The following HMGCL variants were observed in gnomAD, a reference collection of about 807,000 sequenced individuals.
HMGCL encodes hydroxymethylglutaryl-CoA lyase, mitochondrial.
HMGCL carries 26 observed loss-of-function variants against 37.3 expected under a neutral mutation model. The ratio of observed to expected loss-of-function variants is 0.70; its 90% CI spans 0.51 to 0.97. The LOEUF (loss-of-function observed/expected upper bound fraction) is 0.97, where lower values mean the gene tolerates loss of function less well. Ranked by LOEUF, HMGCL falls within the 50% of genes least tolerant of loss-of-function variation. HMGCL has a pLI of 0.00. For missense variants in HMGCL, 379 were observed against 398.1 expected, an observed-to-expected ratio of 0.95 and a Z score of 0.41; for synonymous variants, 151 against 148.0, an observed-to-expected ratio of 1.02 and a Z score of -0.15.
chr1:23,819,006 TAAAAAAAAA>T (rs11371330), intron 2 of HMGCL, among the ~76,000 whole-genome samples: 51 of 43,144 alleles, frequency 1.2e-3, no homozygotes, highest in Non-Finnish European at 1.7e-3. Context: ...ATGGACGTGC[TAAAAAAAAA>T]AAAAAAAAAA....
intron 2 of HMGCL, among the ~76,000 whole-genome samples, chr1:23,820,304 G>A (rs962267291): frequency 6.6e-6 from 1 of 152,130 alleles, no homozygotes; most frequent in Non-Finnish European, 1.5e-5. Context: ...TGACAGGCAT[G>A]AGCCACCCAT....
In HMGCL at chr1:23,814,226, A is replaced by G. The variant is rs1638573373; in HGVS notation, c.461T>C (p.Leu154Pro). The change falls in exon 5 of 9, where the codon CTG (leucine) becomes CCG (proline). Residue 154 changes from leucine to proline, a missense_variant. Coordinates refer to ENST00000374490, the MANE Select transcript of HMGCL (RefSeq NM_000191.3). Reference protein sequence around the residue: ...EESFQRFDAILKAAQSANISV... With the variant: ...EESFQRFDAIPKAAQSANISV... ...AATATTGGCTGACTGCGCTGCCTTC[A>G]GGATTGCGTCAAACCTCTGAAAACT... 6.2e-7 allele frequency: 1 copy of G among 1,614,100 alleles called. No individual in the cohort carries two copies. Among genetic ancestry groups the G allele is most frequent in the Non-Finnish European group, 8.5e-7 (1 of 1,180,018 alleles).
At position 23,802,249 on chromosome 1, in the gene HMGCL, G is replaced by A; in HGVS notation, c.*214C>T. On this transcript the variant is annotated 3_prime_UTR_variant, in exon 9 of 9. Transcript: ENST00000374490. Reference sequence around the variant, plus strand: ...ACAAAGGGAGACTTCAGCCCTCAAAGCCTCTCACTCCTCAGGTCTGGGCAG... The same window carrying A: ...ACAAAGGGAGACTTCAGCCCTCAAAACCTCTCACTCCTCAGGTCTGGGCAG... 1.6e-6 allele frequency: 1 copy of A among 606,432 alleles called. No individual in the cohort carries two copies. The highest frequency in any genetic ancestry group is 2.9e-6 in the Non-Finnish European group (1 of 341,770). The allele number at this position is 606,432 out of a possible 1,614,324, so 37.6% of individuals were successfully genotyped here.
chr1:23,814,651 C>G (rs1156391208), intron 4 of HMGCL, among the ~76,000 whole-genome samples: 4 of 152,080 alleles, frequency 2.6e-5, no homozygotes, highest in Non-Finnish European at 5.9e-5. Flanking sequence ...TTACAGGTGT[C>G]AGCCATCATG....
chr1:23,819,858 T>C (rs1638681285), intron 2 of HMGCL, among the ~76,000 whole-genome samples: 1 of 152,042 alleles, frequency 6.6e-6, no homozygotes, highest in Non-Finnish European at 1.5e-5. Context: ...GCCACCACCA[T>C]GCCCAGTCAC....
chr1:23,811,758 A>G (rs2148421143), intron 5 of HMGCL, among the ~76,000 whole-genome samples: 1 of 152,278 alleles, frequency 6.6e-6, no homozygotes, highest in Non-Finnish European at 1.5e-5. Context: ...TCTTAGGGCT[A>G]TGGTAAGGAG....
Position 23,804,471 on chromosome 1 carries a change from C to G in HMGCL, c.805G>C (p.Ala269Pro). ...SVAGLGGCPYAQGASGNLATE... is the reference protein window; with the variant it reads ...SVAGLGGCPYPQGASGNLATE... ...GCCAAGTTTCCTGATGCCCCCTGTG[C>G]GTAGGGACAGCCTCCAAGTCCTGCC... Residue 269 changes from alanine to proline, a missense_variant, in exon 8 of 9, where the codon GCA becomes CCA. By Grantham distance (27) the Ala-to-Pro change is conservative. Coordinates refer to ENST00000374490, the MANE Select transcript of HMGCL (RefSeq NM_000191.3). The G allele has an allele frequency of 6.2e-7, 1 of 1,614,070 alleles. No individual in the cohort carries two copies. Among genetic ancestry groups the G allele is most frequent in the Admixed American group, 1.7e-5 (1 of 60,024 alleles).
intron 4 of HMGCL, among the ~76,000 whole-genome samples, chr1:23,815,176 C>T (rs1436767796): frequency 6.6e-6 from 1 of 152,000 alleles, no homozygotes; most frequent in African/African-American, 2.4e-5. Context: ...CACTGTACTC[C>T]AGCCTGGGCG....
At chr1:23,814,832 C>T (rs576029321) in intron 4 of HMGCL, among the ~76,000 whole-genome samples, 11 of 152,154 alleles carry the variant, frequency 7.2e-5, no homozygotes, top group African/African-American at 1.7e-4. Context: ...TTGGAAACAG[C>T]GTCATTGCAG....
At chr1:23,810,139 T>C (rs1638492367) in intron 6 of HMGCL, 2 of 163,308 alleles carry the variant, frequency 1.2e-5, no homozygotes, top group Admixed American at 5.7e-5. Context: ...CCATTCCACC[T>C]ATCTGGATGC....
chr1:23,804,471 C>A lies in HMGCL; in HGVS notation c.805G>T (p.Ala269Ser). 2.5e-6 allele frequency: 4 copies of A among 1,614,070 alleles called. No individual in the cohort carries two copies. Among genetic ancestry groups the A allele is most frequent in the Non-Finnish European group, 2.5e-6 (3 of 1,179,956 alleles). Residue 269 changes from alanine to serine, a missense_variant, in exon 8 of 9, where the codon GCA becomes TCA. Transcript: ENST00000374490. ...GCCAAGTTTCCTGATGCCCCCTGTG[C>A]GTAGGGACAGCCTCCAAGTCCTGCC... ...SVAGLGGCPY[A>S]QGASGNLATE...
chr1:23,823,310 C>T (rs1570656679), intron 1 of HMGCL, among the ~76,000 whole-genome samples: 1 of 151,246 alleles, frequency 6.6e-6, no homozygotes, highest in Admixed American at 6.6e-5. Flanking sequence ...TTTTTAAACA[C>T]TTAATATTTG....
In HMGCL at chr1:23,817,495, G is replaced by C. The variant is rs754253328; in HGVS notation, c.233C>G (p.Ser78Cys). The C allele has an allele frequency of 6.2e-7, 1 of 1,611,148 alleles. No individual in the cohort carries two copies. Among genetic ancestry groups the C allele is most frequent in the South Asian group, 1.1e-5 (1 of 91,020 alleles). The change falls in exon 3 of 9, where the codon TCT becomes TGT. Residue 78 changes from serine (S) to cysteine (C), a missense_variant. Coordinates refer to ENST00000374490, the MANE Select transcript of HMGCL (RefSeq NM_000191.3). ...GCTCACCTGGGGAACCCACTTAGGA[G>C]ACACAAAGCTGGTGGTTTCTATAAC... ...LSVIETTSFV[S>C]PKWVPQMGDH...
chr1:23,812,107 G>A (rs1012210210), intron 5 of HMGCL, among the ~76,000 whole-genome samples: 3 of 152,154 alleles, frequency 2.0e-5, no homozygotes, highest in African/African-American at 7.2e-5. Flanking sequence ...TGGGAGAGTG[G>A]AGCACCCCAG....
intron 8 of HMGCL, among the ~76,000 whole-genome samples, chr1:23,803,349 G>A (rs1638328683): frequency 6.6e-6 from 1 of 152,134 alleles, no homozygotes; most frequent in African/African-American, 2.4e-5. Flanking sequence ...TTACAGGTGC[G>A]TGCCACCACA....
Position 23,814,181 on chromosome 1 carries a change from C to A in HMGCL, c.497+9G>T. ...ACAGAGGAAAGGATACCAATGTGCT[C>A]TGACTCACCCCCGCACAGAAATATT... is the stretch of plus-strand genomic sequence containing the variant. On this transcript the variant is annotated intron_variant, in intron 5 of 8. Coordinates refer to ENST00000374490, the MANE Select transcript of HMGCL (RefSeq NM_000191.3). The A allele has an allele frequency of 6.2e-7, 1 of 1,613,354 alleles. No homozygotes were observed. Among genetic ancestry groups the A allele is most frequent in the Non-Finnish European group, 8.5e-7 (1 of 1,179,928 alleles).
At chr1:23,813,483 G>A (rs1431785755) in intron 5 of HMGCL, among the ~76,000 whole-genome samples, 1 of 151,872 alleles carries the variant, frequency 6.6e-6, no homozygotes, top group African/African-American at 2.4e-5. Flanking sequence ...GGCCAGGCTG[G>A]TCTTGAACTC....
At chr1:23,825,244 C>A in intron 1 of HMGCL, 112 bp downstream of exon 1, 2 of 871,934 alleles carry the variant, frequency 2.3e-6, no homozygotes, top group Non-Finnish European at 3.7e-6. Flanking sequence ...CGACTCTGGC[C>A]TGAGAGCTGT....
chr1:23,815,466 C>A (rs941420519), intron 4 of HMGCL, among the ~76,000 whole-genome samples: 1 of 151,864 alleles, frequency 6.6e-6, no homozygotes, highest in Non-Finnish European at 1.5e-5. Context: ...TGTTTTTAAG[C>A]CACCCAATTT....
Sources: gnomAD v4.1 joint callset for allele counts (sites outside exome capture counted in the v4.1 genomes callset) on GRCh38, gnomAD v4.1.1 for gene constraint, MANE v1.5 for transcripts, NCBI Gene and HGNC (gene_info 2026-07-23, HGNC 2026-07-21) for gene names.